MSTO1: variants seen among roughly 807,000 people sequenced by gnomAD.
MSTO1 encodes the protein misato mitochondrial distribution and morphology regulator 1.
MSTO1 carries 24 observed loss-of-function variants against 55.7 expected under a neutral mutation model. The observed-to-expected ratio is 0.43, with a 90% confidence interval of 0.31 to 0.61. The LOEUF is 0.61. Ranked by LOEUF, MSTO1 falls within the 20% of genes least tolerant of loss-of-function variation. The pLI is 0.09. For synonymous variants in MSTO1, 162 were observed against 252.8 expected, an observed-to-expected ratio of 0.64 and a Z score of 3.41; for missense variants, 363 against 625.7, an observed-to-expected ratio of 0.58 and a Z score of 4.48.
chr1:155,565,156 G>C, the MSTO1 span, among the ~76,000 whole-genome samples: 2 of 151,620 alleles, frequency 1.3e-5, no homozygotes, highest in South Asian at 4.2e-4. Flanking sequence ...AATCAGGTGG[G>C]CATGGTGGAG....
At chr1:155,599,504 T>A in the MSTO1 span, among the ~76,000 whole-genome samples, 1 of 152,324 alleles carries the variant, frequency 6.6e-6, no homozygotes, top group South Asian at 2.1e-4. Flanking sequence ...CAGTATAGGT[T>A]GTCAAAACTT....
the MSTO1 span, among the ~76,000 whole-genome samples, chr1:155,594,874 T>G: frequency 6.6e-6 from 1 of 152,140 alleles, no homozygotes; most frequent in Admixed American, 6.6e-5. Context: ...GGGTGGCTCA[T>G]GCCTGTAATC....
chr1:155,614,746 A>G lies in MSTO1; in HGVS notation c.*473A>G. The G allele has an allele frequency of 7.0e-6, 11 of 1,574,368 alleles. No homozygotes were observed. The highest frequency in any genetic ancestry group is 8.7e-6 in the Non-Finnish European group (10 of 1,145,690). Reference sequence around the variant, plus strand: ...TCATTCATCCAGCTCCTCTTCAGACAGAAGGTCCCCATGGTCAGACAGCTG... The same window carrying G: ...TCATTCATCCAGCTCCTCTTCAGACGGAAGGTCCCCATGGTCAGACAGCTG... On this transcript the variant is annotated 3_prime_UTR_variant, in exon 14 of 14. Coordinates refer to ENST00000245564, the MANE Select transcript of MSTO1 (RefSeq NM_018116.4).
the MSTO1 span, among the ~76,000 whole-genome samples, chr1:155,579,734 G>A: frequency 6.6e-6 from 1 of 152,128 alleles, no homozygotes; most frequent in East Asian, 1.9e-4. Flanking sequence ...TTAATATTAA[G>A]ATCAATGTAG....
In MSTO1 at chr1:155,612,622, T is replaced by C. The variant is rs753020780; in HGVS notation, c.966+52T>C. On this transcript the variant is annotated intron_variant, in intron 9 of 13. Coordinates refer to ENST00000245564, the MANE Select transcript of MSTO1 (RefSeq NM_018116.4). Reference sequence around the variant, plus strand: ...TGCGGCAGGCTACAGGGCCTCCTCATGCTCCCAGTCAGCCGCTGTCTGTTA... The same window carrying C: ...TGCGGCAGGCTACAGGGCCTCCTCACGCTCCCAGTCAGCCGCTGTCTGTTA... The C allele has an allele frequency of 3.2e-6, 5 of 1,558,728 alleles. No individual in the cohort carries two copies. The South Asian group carries it at 4.7e-5, about 15-fold the overall frequency.
the MSTO1 span, among the ~76,000 whole-genome samples, chr1:155,595,010 T>C: frequency 6.6e-6 from 1 of 151,840 alleles, no homozygotes; most frequent in South Asian, 2.1e-4. Flanking sequence ...TGGTGGTGCA[T>C]GCCTGTAATA....
chr1:155,581,530 A>G, the MSTO1 span, among the ~76,000 whole-genome samples: 3 of 151,478 alleles, frequency 2.0e-5, no homozygotes, highest in African/African-American at 7.3e-5. Context: ...TCATGCCTCA[A>G]TCTCCCAAGT....
chr1:155,609,412 AT>A (rs559556111), upstream of MSTO1, among the ~76,000 whole-genome samples: 7 of 148,696 alleles, frequency 4.7e-5, no homozygotes, highest in South Asian at 4.3e-4. Context: ...CGCCCAGCTA[AT>A]TTTTTTTTGT....
the MSTO1 span, chr1:155,590,882 A>C: frequency 1.2e-6 from 2 of 1,611,856 alleles, no homozygotes; most frequent in Non-Finnish European, 1.7e-6. Flanking sequence ...AGGACCCCTG[A>C]GGTGACAAAG....
At chr1:155,603,716 G>C in the MSTO1 span, among the ~76,000 whole-genome samples, 1 of 151,890 alleles carries the variant, frequency 6.6e-6, no homozygotes, top group Non-Finnish European at 1.5e-5. Context: ...AAACTAGCTG[G>C]GCACGGTGGC....
At chr1:155,608,703 C>T (rs1439450816), upstream of MSTO1, among the ~76,000 whole-genome samples, 3 of 151,664 alleles carry the variant, frequency 2.0e-5, no homozygotes, top group Admixed American at 6.6e-5. Context: ...GGGGTTTCAC[C>T]GTGTTAGCCA....
upstream of MSTO1, chr1:155,610,087 A>AGGTAGGAAGG: frequency 2.9e-6 from 2 of 687,654 alleles, no homozygotes; most frequent in South Asian, 3.8e-5. Flanking sequence ...GTCTAGGAAG[A>AGGTAGGAAGG]GGTAGGAAGG....
chr1:155,574,810 C>T, the MSTO1 span, among the ~76,000 whole-genome samples: 1 of 151,648 alleles, frequency 6.6e-6, no homozygotes, highest in East Asian at 1.9e-4. Context: ...TCCGAAAGTG[C>T]TGGGATTACA....
At chr1:155,600,919 G>A in the MSTO1 span, among the ~76,000 whole-genome samples, 1 of 150,218 alleles carries the variant, frequency 6.7e-6, no homozygotes, top group African/African-American at 2.5e-5. Context: ...CTCGTGATGC[G>A]ACCGCCTTGG....
chr1:155,563,701 G>A, the MSTO1 span: 1 of 376,524 alleles, frequency 2.7e-6, no homozygotes, highest in Admixed American at 3.4e-5. Flanking sequence ...CCTTCAGCAA[G>A]TTATTTTTGT....
At chr1:155,607,136 C>A (rs1000400255), upstream of MSTO1, among the ~76,000 whole-genome samples, 2 of 149,796 alleles carry the variant, frequency 1.3e-5, no homozygotes, top group African/African-American at 4.9e-5. Flanking sequence ...CCAGCCAGAT[C>A]CAATATTTTA....
At chr1:155,591,408 A>G in the MSTO1 span, 10 of 650,076 alleles carry the variant, frequency 1.5e-5, no homozygotes, top group Non-Finnish European at 2.4e-5. Context: ...CTGGAACTGT[A>G]CAGAGGCAAT....
chr1:155,575,542 A>G, the MSTO1 span, among the ~76,000 whole-genome samples: 7 of 151,886 alleles, frequency 4.6e-5, no homozygotes, highest in African/African-American at 1.2e-4. Flanking sequence ...TCCCAGACCC[A>G]GGTGATCCTC....
At chr1:155,573,814 G>C in the MSTO1 span, among the ~76,000 whole-genome samples, 1 of 149,168 alleles carries the variant, frequency 6.7e-6, no homozygotes, top group Admixed American at 6.7e-5. Flanking sequence ...CTCCAGCCTG[G>C]GTGACAAAAG....
Sources: gnomAD v4.1 joint callset for allele counts (sites outside exome capture counted in the v4.1 genomes callset) on GRCh38, gnomAD v4.1.1 for gene constraint, MANE v1.5 for transcripts, NCBI Gene and HGNC (gene_info 2026-07-23, HGNC 2026-07-21) for gene names.